The following ZKSCAN2 variants were observed in gnomAD, a reference collection of about 807,000 sequenced individuals.
ZKSCAN2 encodes the protein zinc finger with KRAB and SCAN domains 2, also known as zinc finger protein with KRAB and SCAN domains 2.
ZKSCAN2 carries 38 observed loss-of-function variants against 90.5 expected under a neutral mutation model. That is an observed-to-expected ratio of 0.42 (90% CI 0.32 to 0.55). ZKSCAN2 has a LOEUF of 0.55. Among genes scored for constraint, ZKSCAN2 ranks in the 20% least tolerant of loss-of-function variants. The pLI is 0.11. For synonymous variants in ZKSCAN2, 429 were observed against 421.6 expected (o/e 1.02, Z -0.22); for missense variants, 1,167 against 1,202.6 (o/e 0.97, Z 0.44).
At position 25,247,379 on chromosome 16, in the gene ZKSCAN2, AC is replaced by A; in HGVS notation, c.816del (p.Ser273LeufsTer6). 6.2e-7 allele frequency: 1 copy of A among 1,606,536 alleles called. No individual in the cohort carries two copies. Among genetic ancestry groups the A allele is most frequent in the Non-Finnish European group, 8.5e-7 (1 of 1,178,538 alleles). On this transcript the variant is annotated frameshift_variant, in exon 5 of 7. Coordinates refer to ENST00000328086, the MANE Select transcript of ZKSCAN2 (RefSeq NM_001012981.5). LOFTEE classifies it high-confidence loss of function. ...AACCGGGTTATCTTGTTAGATGTAG[AC>A]ACTGCACTTCCTACAGTAAAATAAA... ...VGNVVSLGSA[V>X]STSNKITRLE...
chr16:25,250,195 G>A (rs1019248687), intron 4 of ZKSCAN2, among the ~76,000 whole-genome samples: 10 of 152,110 alleles, frequency 6.6e-5, no homozygotes, highest in African/African-American at 2.4e-4. Context: ...TGTAGTTCCA[G>A]CTACTCGGGA....
At position 25,250,196 on chromosome 16, in the gene ZKSCAN2, C is replaced by T. The variant is rs148952552; in HGVS notation, c.805+1713G>A. On this transcript the variant is annotated intron_variant, in intron 4 of 6. Coordinates refer to ENST00000328086, the MANE Select transcript of ZKSCAN2 (RefSeq NM_001012981.5). The stretch of plus-strand genomic sequence containing the variant: ...TGGTGGCATGCACCTGTAGTTCCAG[C>T]TACTCGGGAGGCTGAGGCAGGAGAA... Among the ~76,000 whole-genome samples the T allele has an allele frequency of 5.3e-5, 8 of 152,136 alleles. 1 individual carries two copies.
At position 25,252,018 on chromosome 16, in the gene ZKSCAN2, G is replaced by C; in HGVS notation, c.696C>G (p.Val232=). Residue 232 remains valine, a synonymous_variant, in exon 4 of 7, where the codon GTC becomes GTG. Coordinates refer to ENST00000328086, the MANE Select transcript of ZKSCAN2 (RefSeq NM_001012981.5). ...PAGSQEPVKD[V]HVARGFSYRK... is the part of the protein sequence containing the mutation. ...TGTAGGAAAAGCCTCTGGCCACGTG[G>C]ACATCTTTCACTGGTTCCTGTAATG... 1 of 1,614,112 alleles carries C rather than the reference G, an allele frequency of 6.2e-7. No homozygotes were observed. The highest frequency in any genetic ancestry group is 8.5e-7 in the Non-Finnish European group (1 of 1,179,990).
chr16:25,257,602 C>G lies in ZKSCAN2; in HGVS notation c.-475G>C. The stretch of plus-strand genomic sequence containing the variant: ...AGGTTCCGGGCTCGGGTCACCGCAG[C>G]ACGTCCAGGCCGCCGCGGGTGCCGC... On this transcript the variant is annotated 5_prime_UTR_variant, in exon 1 of 7. Coordinates refer to ENST00000328086, the MANE Select transcript of ZKSCAN2 (RefSeq NM_001012981.5). 1.3e-6 allele frequency: 1 copy of G among 765,120 alleles called. No individual in the cohort carries two copies. The allele number at this position is 765,120 out of a possible 1,614,324, so 47.4% of individuals were successfully genotyped here.
At chr16:25,251,543 C>A (rs796942992) in intron 4 of ZKSCAN2, among the ~76,000 whole-genome samples, 13 of 152,238 alleles carry the variant, frequency 8.5e-5, no homozygotes, top group African/African-American at 3.1e-4. Flanking sequence ...AAGAGATGAA[C>A]ATGTCGTAAT....
At chr16:25,248,742 T>G (rs1322168405) in intron 4 of ZKSCAN2, among the ~76,000 whole-genome samples, 3 of 151,920 alleles carry the variant, frequency 2.0e-5, no homozygotes. Context: ...AGTACAGAGG[T>G]TCCATAGAGA....
chr16:25,255,125 A>G (rs1214277843), intron 2 of ZKSCAN2, 81 bp downstream of exon 2: 2 of 1,433,204 alleles, frequency 1.4e-6, no homozygotes, highest in Non-Finnish European at 1.9e-6. Flanking sequence ...GAGGCCCTCC[A>G]CTGCACATTC....
In ZKSCAN2 at chr16:25,246,697, C is replaced by T. The variant is rs774533559; in HGVS notation, c.1489+10G>A. On this transcript the variant is annotated intron_variant, in intron 5 of 6. Coordinates refer to ENST00000328086, the MANE Select transcript of ZKSCAN2 (RefSeq NM_001012981.5). ...GTTTTCCTACCAGAGAAACAAAGCA[C>T]AATTCTTACCACTGAGATTCTGAAA... The T allele has an allele frequency of 3.1e-6, 5 of 1,613,928 alleles. No individual in the cohort carries two copies. Among genetic ancestry groups the T allele is most frequent in the South Asian group, 1.1e-5 (1 of 91,080 alleles).
At chr16:25,249,076 TA>T (rs1320578419) in intron 4 of ZKSCAN2, among the ~76,000 whole-genome samples, 1 of 152,114 alleles carries the variant, frequency 6.6e-6, no homozygotes, top group Non-Finnish European at 1.5e-5. Context: ...TGGCAGTATC[TA>T]AAAATGTCCA....
In ZKSCAN2 at chr16:25,239,865, G is replaced by A. The variant is rs1322470765; in HGVS notation, c.2855C>T (p.Pro952Leu). 4 of 1,612,060 alleles carry A rather than the reference G, an allele frequency of 2.5e-6. No homozygotes were observed. Residue 952 changes from proline (P) to leucine (L), a missense_variant, in exon 7 of 7, where the codon CCT becomes CTT. By Grantham distance (98) the Pro-to-Leu change is moderately conservative. Transcript: ENST00000328086. ...AGTCTTTCCCTTATGTGGGTTCTCA[G>A]GGCAATACAGAGATGGAGGGTGTGG... ...PLPHPPSLYC[P>L]ENPHKGKTDE...
chr16:25,245,753 G>A (rs1230659735), intron 5 of ZKSCAN2, among the ~76,000 whole-genome samples: 1 of 148,230 alleles, frequency 6.7e-6, no homozygotes, highest in Non-Finnish European at 1.5e-5. Flanking sequence ...CTGGGTGACA[G>A]AGTGAGACAC....
intron 6 of ZKSCAN2, among the ~76,000 whole-genome samples, chr16:25,243,018 G>T (rs1489144193): frequency 6.6e-6 from 1 of 152,244 alleles, no homozygotes; most frequent in Non-Finnish European, 1.5e-5. Flanking sequence ...ACAGGCCCAC[G>T]AGGGCGTAAG....
In ZKSCAN2 at chr16:25,240,438, G is replaced by C. The variant is rs1962834332; in HGVS notation, c.2282C>G (p.Thr761Ser). The change falls in exon 7 of 7, where the codon ACT becomes AGT. Residue 761 changes from threonine to serine, a missense_variant. By Grantham distance (58) the Thr-to-Ser change is moderately conservative (BLOSUM62 1). Coordinates refer to ENST00000328086, the MANE Select transcript of ZKSCAN2 (RefSeq NM_001012981.5). ...GTGGGTCATCCGGCACATCAGACGA[G>C]TGCTCCTTCCAAAGCTTTCTCCATA... ...LKYGESFGRS[T>S]RLMCRMTHHK... 6.2e-7 allele frequency: 1 copy of C among 1,614,184 alleles called. No individual in the cohort carries two copies. The highest frequency in any genetic ancestry group is 8.5e-7 in the Non-Finnish European group (1 of 1,180,038).
chr16:25,239,920 G>A lies in ZKSCAN2; in HGVS notation c.2800C>T (p.Arg934Trp), dbSNP rs772217177. 7.4e-6 allele frequency: 12 copies of A among 1,614,000 alleles called. No individual in the cohort carries two copies. The highest frequency in any genetic ancestry group is 4.5e-5 in the East Asian group (2 of 44,898). Residue 934 changes from arginine to tryptophan, a missense_variant, in exon 7 of 7, where the codon CGG (arginine) becomes TGG (tryptophan). Transcript: ENST00000328086. ...FSKSSVLTKH[R>W]EVHVREKPLP... ...GGCTTTTCTCTCACATGAACTTCCCGATGTTTGGTAAGAACAGAACTCTTA... is the reference window on the plus strand; with the variant it reads ...GGCTTTTCTCTCACATGAACTTCCCAATGTTTGGTAAGAACAGAACTCTTA...
At chr16:25,249,755 T>C (rs773922652) in intron 4 of ZKSCAN2, among the ~76,000 whole-genome samples, 2 of 152,184 alleles carry the variant, frequency 1.3e-5, no homozygotes, top group Non-Finnish European at 2.9e-5. Flanking sequence ...GGTGGGAATG[T>C]AAACAGGTAC....
At chr16:25,254,963 T>TA (rs1491264370) in intron 2 of ZKSCAN2, among the ~76,000 whole-genome samples, 12 of 108,098 alleles carry the variant, frequency 1.1e-4, no homozygotes, top group Admixed American at 1.8e-4. Flanking sequence ...CTGGCTAATA[T>TA]TTTTTTTTTT....
rs755271057 is a variant in ZKSCAN2 at position 25,257,028 on chromosome 16, T to A, written c.100A>T (p.Ile34Phe). Residue 34 changes from isoleucine (I) to phenylalanine (F), a missense_variant, in exon 1 of 7, where the codon ATT becomes TTT. Ile to Phe is a conservative substitution (Grantham distance 21). Coordinates refer to ENST00000328086, the MANE Select transcript of ZKSCAN2 (RefSeq NM_001012981.5). The stretch of plus-strand genomic sequence containing the variant: ...TCAGAGCTATCCGATCCTTCCAGAA[T>A]GGGCTCTGATGCCCACTCAGGGTCC... The part of the protein sequence containing the change: ...EKDPEWASEP[I>F]LEGSDSSETF... 1.2e-6 allele frequency: 2 copies of A among 1,614,196 alleles called. No individual in the cohort carries two copies. Among genetic ancestry groups the A allele is most frequent in the South Asian group, 2.2e-5 (2 of 91,082 alleles).
At position 25,247,142 on chromosome 16, in the gene ZKSCAN2, G is replaced by T. The variant is rs1250901874; in HGVS notation, c.1054C>A (p.Leu352Met). 1 of 1,614,158 alleles carries T rather than the reference G, an allele frequency of 6.2e-7. No homozygotes were observed. Reference protein sequence around the residue: ...HWSYEETKTFLAILKESRFYE... With the variant: ...HWSYEETKTFMAILKESRFYE... The stretch of plus-strand genomic sequence containing the variant: ...AAGCGAGACTCTTTGAGAATTGCCA[G>T]GAAAGTCTTTGTTTCCTCATAGCTC... Residue 352 changes from leucine to methionine, a missense_variant, in exon 5 of 7, where the codon CTG (leucine) becomes ATG (methionine). Coordinates refer to ENST00000328086, the MANE Select transcript of ZKSCAN2 (RefSeq NM_001012981.5).
In ZKSCAN2 at chr16:25,244,268, A is replaced by G; in HGVS notation, c.1498T>C (p.Trp500Arg). 6.2e-7 allele frequency: 1 copy of G among 1,610,856 alleles called. No individual in the cohort carries two copies. Among genetic ancestry groups the G allele is most frequent in the Non-Finnish European group, 8.5e-7 (1 of 1,177,668 alleles). The stretch of plus-strand genomic sequence containing the variant: ...AAAGTCTTGGTTTCTTCATAGCCCC[A>G]GTGCACGCCTGCCATTTGGGGATAA... ...VLFQNLSGVH[W>R]GYEETKTFLD... The change falls in exon 6 of 7, where the codon TGG becomes CGG. Residue 500 changes from tryptophan (W) to arginine (R), a missense_variant. Physicochemically the swap from Trp to Arg is moderately radical, Grantham distance 101 (BLOSUM62 -3). Transcript: ENST00000328086.
Sources: gnomAD v4.1 joint callset for allele counts (sites outside exome capture counted in the v4.1 genomes callset) on GRCh38, gnomAD v4.1.1 for gene constraint, MANE v1.5 for transcripts, NCBI Gene and HGNC (gene_info 2026-07-23, HGNC 2026-07-21) for gene names.